Variants in COL19A1 observed in about 807,000 individuals in gnomAD.
COL19A1 encodes the protein collagen alpha-1(XIX) chain.
COL19A1 carries 159 observed loss-of-function variants against 190.2 expected under a neutral mutation model. That is an observed-to-expected ratio of 0.84 (90% confidence interval 0.73 to 0.95). COL19A1 has a LOEUF of 0.95. COL19A1 is among the 40% of genes least tolerant of loss of function. The pLI, the probability that COL19A1 is intolerant of heterozygous loss-of-function variation, is 0.00. For missense variants in COL19A1, 1,418 were observed against 1,431.9 expected, an observed-to-expected ratio of 0.99 and a Z score of 0.16; for synonymous variants, 509 against 458.9, an observed-to-expected ratio of 1.11 and a Z score of -1.39.
chr6:70,170,360 T>G (rs570197088), intron 40 of COL19A1, among the ~76,000 whole-genome samples: 11 of 152,296 alleles, frequency 7.2e-5, no homozygotes, highest in African/African-American at 2.6e-4. Context: ...GAAGTCTTTT[T>G]GAGGTTGGAA....
intron 7 of COL19A1, 67 bp downstream of exon 7, chr6:69,932,930 A>G (rs1315361454): frequency 9.2e-7 from 1 of 1,082,828 alleles, no homozygotes; most frequent in Non-Finnish European, 1.4e-6. Context: ...CATAGTTTGT[A>G]GAGTCCAAAT....
At chr6:69,998,569 CG>C (rs1355575822) in intron 11 of COL19A1, among the ~76,000 whole-genome samples, 1 of 147,046 alleles carries the variant, frequency 6.8e-6, no homozygotes, top group Non-Finnish European at 1.5e-5. Context: ...TTGCATGAAC[CG>C]GGAAGTGGAC....
At chr6:69,925,802 A>G (rs1172222848) in intron 4 of COL19A1, among the ~76,000 whole-genome samples, 4 of 152,148 alleles carry the variant, frequency 2.6e-5, no homozygotes, top group Non-Finnish European at 5.9e-5. Flanking sequence ...GGTCCTTCAC[A>G]TCCCTTGTAA....
intron 14 of COL19A1, among the ~76,000 whole-genome samples, chr6:70,045,370 A>T (rs1399953460): frequency 6.6e-6 from 1 of 151,524 alleles, no homozygotes; most frequent in Non-Finnish European, 1.5e-5. Context: ...GAGTAATATC[A>T]AGTAGTTCTT....
chr6:70,027,573 G>A (rs1187100885), intron 12 of COL19A1, among the ~76,000 whole-genome samples: 2 of 151,614 alleles, frequency 1.3e-5, no homozygotes, highest in Admixed American at 6.6e-5. Flanking sequence ...GTGTGTGTGT[G>A]TGTGTGTTTG....
intron 13 of COL19A1, 103 bp downstream of exon 13, chr6:70,034,401 A>C: frequency 1.2e-6 from 1 of 839,548 alleles, no homozygotes; most frequent in Non-Finnish European, 2.0e-6. Flanking sequence ...AAGCATTCTA[A>C]AATTAACCAA....
At chr6:70,133,138 A>C (rs1785625718) in intron 18 of COL19A1, among the ~76,000 whole-genome samples, 1 of 152,198 alleles carries the variant, frequency 6.6e-6, no homozygotes, top group Non-Finnish European at 1.5e-5. Context: ...TAATTTTGAC[A>C]AAGAAGGGAC....
chr6:69,932,249 C>A (rs757499778), intron 6 of COL19A1, among the ~76,000 whole-genome samples: 1 of 151,814 alleles, frequency 6.6e-6, no homozygotes, highest in South Asian at 2.1e-4. Context: ...TTAGATTATA[C>A]CAATATAATA....
chr6:69,897,343 A>T (rs1327603381), intron 2 of COL19A1, among the ~76,000 whole-genome samples: 1 of 152,144 alleles, frequency 6.6e-6, no homozygotes, highest in African/African-American at 2.4e-5. Flanking sequence ...AGTATAAAAA[A>T]ATTTATATCT....
intron 16 of COL19A1, among the ~76,000 whole-genome samples, chr6:70,121,580 G>T (rs1279183635): frequency 6.6e-6 from 1 of 152,158 alleles, no homozygotes; most frequent in African/African-American, 2.4e-5. Flanking sequence ...CTCTGGGAGG[G>T]TCTTATGGGT....
chr6:70,108,712 G>A (rs923915167), intron 16 of COL19A1, among the ~76,000 whole-genome samples: 10 of 152,124 alleles, frequency 6.6e-5, no homozygotes, highest in African/African-American at 2.4e-4. Context: ...CCCTTCTATT[G>A]TACAATACCA....
At chr6:69,900,577 G>C (rs574756096) in intron 4 of COL19A1, among the ~76,000 whole-genome samples, 2 of 152,060 alleles carry the variant, frequency 1.3e-5, no homozygotes, top group South Asian at 4.1e-4. Context: ...TTAGAGAACA[G>C]TAATTAAATC....
chr6:70,135,634 T>C (rs761180763), intron 18 of COL19A1, among the ~76,000 whole-genome samples: 1 of 152,128 alleles, frequency 6.6e-6, no homozygotes, highest in Non-Finnish European at 1.5e-5. Context: ...AAAAGAAAGA[T>C]TGTATTGCAA....
chr6:70,102,650 T>A (rs188632775), intron 16 of COL19A1, among the ~76,000 whole-genome samples: 115 of 152,314 alleles, frequency 7.6e-4, no homozygotes, highest in Non-Finnish European at 1.5e-3. Flanking sequence ...TTAGTATAAT[T>A]TCATGATTTG....
intron 9 of COL19A1, among the ~76,000 whole-genome samples, chr6:69,945,871 G>C (rs1157912485): frequency 5.9e-5 from 9 of 151,942 alleles, no homozygotes; most frequent in African/African-American, 1.9e-4. Context: ...CATTCAAAAA[G>C]TGTATATTAT....
chr6:69,938,075 G>C lies in COL19A1; in HGVS notation c.911G>C (p.Gly304Ala). ...AGLPGAPGSP[G>A]QKGHKGEPGE... ...TTACCAGGAGCTCCGGGTTCACCTG[G>C]GCAGAAAGGGCATAAAGGAGAGCCG... The change falls in exon 9 of 51, where the codon GGG becomes GCG. Residue 304 changes from glycine (G) to alanine (A), a missense_variant. Physicochemically the swap from Gly to Ala is moderately conservative, Grantham distance 60 (BLOSUM62 0). Transcript: ENST00000620364. 1 of 1,612,608 alleles carries C rather than the reference G, an allele frequency of 6.2e-7. No individual in the cohort carries two copies. Among genetic ancestry groups the C allele is most frequent in the East Asian group, 2.2e-5 (1 of 44,840 alleles).
intron 11 of COL19A1, among the ~76,000 whole-genome samples, chr6:70,005,920 C>T (rs1777592474): frequency 6.6e-6 from 1 of 152,190 alleles, no homozygotes; most frequent in Non-Finnish European, 1.5e-5. Flanking sequence ...AGAGTCAGGC[C>T]TGAAGAGGCT....
At chr6:69,916,944 T>G (rs139991912) in intron 4 of COL19A1, among the ~76,000 whole-genome samples, 1 of 152,166 alleles carries the variant, frequency 6.6e-6, no homozygotes, top group Non-Finnish European at 1.5e-5. Flanking sequence ...AGAGTAAAGG[T>G]GAGGTAGTTA....
At chr6:69,948,723 T>G (rs1400205058) in intron 9 of COL19A1, among the ~76,000 whole-genome samples, 1 of 151,842 alleles carries the variant, frequency 6.6e-6, no homozygotes, top group Non-Finnish European at 1.5e-5. Context: ...AGACAGGCAC[T>G]ACTCAGAACT....
Sources: allele counts gnomAD v4.1 joint callset (sites outside exome capture counted in the v4.1 genomes callset), GRCh38; gene constraint gnomAD v4.1.1; transcripts MANE v1.5; gene names NCBI Gene and HGNC (gene_info 2026-07-23, HGNC 2026-07-21).